GABRG1: variants seen among roughly 807,000 people sequenced by gnomAD.
GABRG1 encodes the protein gamma-aminobutyric acid type A receptor subunit gamma1.
In GABRG1, 49 loss-of-function variants were observed where a neutral mutation model predicts 49.8. That is an observed-to-expected ratio of 0.98 (90% CI 0.78 to 1.25). The LOEUF (loss-of-function observed/expected upper bound fraction) is 1.25. GABRG1 is among the 50% of genes most tolerant of loss of function. The pLI is 0.00. For missense variants in GABRG1, 552 were observed against 552.3 expected, an observed-to-expected ratio of 1.00 and a Z score of 0.01; for synonymous variants, 232 against 185.1, an observed-to-expected ratio of 1.25 and a Z score of -2.06.
intron 2 of GABRG1, 134 bp downstream of exon 2, chr4:46,097,067 C>T (rs1720187691): frequency 2.6e-6 from 2 of 774,940 alleles, no homozygotes; most frequent in Admixed American, 3.6e-5. Context: ...ACCATTCTAA[C>T]CAATAATCTT....
chr4:46,097,194 A>G lies in GABRG1; in HGVS notation c.253+7T>C. ...ATCAAAATCCCAGAATGGTAACTCA[A>G]GCTTACCTCCTATATCTGGACGAAG... On this transcript the variant is annotated splice_region_variant and intron_variant, in intron 2 of 8. Coordinates refer to ENST00000295452, the MANE Select transcript of GABRG1 (RefSeq NM_173536.4). 3.1e-6 allele frequency: 5 copies of G among 1,597,134 alleles called. No individual in the cohort carries two copies. Among genetic ancestry groups the G allele is most frequent in the Non-Finnish European group, 4.3e-6 (5 of 1,172,514 alleles).
Position 46,058,638 on chromosome 4 carries a change from A to G in GABRG1, c.626-16T>C. The G allele has an allele frequency of 6.2e-7, 1 of 1,602,128 alleles. No homozygotes were observed. Among genetic ancestry groups the G allele is most frequent in the Non-Finnish European group, 8.5e-7 (1 of 1,172,336 alleles). On this transcript the variant is annotated splice_polypyrimidine_tract_variant and intron_variant, in intron 5 of 8. Transcript: ENST00000295452. Reference sequence around the variant, plus strand: ...GGGTATCCATCTATAGAGAAAAAATACATAGATTAGCAAGATCCAAATTTG... The same window carrying G: ...GGGTATCCATCTATAGAGAAAAAATGCATAGATTAGCAAGATCCAAATTTG...
At chr4:46,095,167 G>T in intron 2 of GABRG1, among the ~76,000 whole-genome samples, 1 of 151,686 alleles carries the variant, frequency 6.6e-6, no homozygotes, top group East Asian at 1.9e-4. Flanking sequence ...ACTAAAAACA[G>T]TTTAATAATA....
rs1717740804 is a variant in GABRG1 at position 46,040,799 on chromosome 4, G to A, written c.*189C>T. 1 of 506,474 alleles carries A rather than the reference G, an allele frequency of 2.0e-6. No homozygotes were observed. The highest frequency in any genetic ancestry group is 2.0e-5 in the African/African-American group (1 of 50,872). The allele number at this position is 506,474 out of a possible 1,614,324, so 31.4% of individuals were successfully genotyped here. A position where few individuals can be genotyped will look rare whatever the true frequency, so the allele number is the denominator to read the frequency against. ...ACCTACTGGATTTTGCAACTAATCAGTTTCACGTAAATTAGCCTGAAAGCT... is the reference window on the plus strand; with the variant it reads ...ACCTACTGGATTTTGCAACTAATCAATTTCACGTAAATTAGCCTGAAAGCT... On this transcript the variant is annotated 3_prime_UTR_variant, in exon 9 of 9. Coordinates refer to ENST00000295452, the MANE Select transcript of GABRG1 (RefSeq NM_173536.4).
chr4:46,050,007 A>C (rs2109396509), intron 8 of GABRG1, among the ~76,000 whole-genome samples: 1 of 152,110 alleles, frequency 6.6e-6, no homozygotes, highest in Middle Eastern at 3.4e-3. Flanking sequence ...TAAAACTTTC[A>C]AGGCAATAAT....
chr4:46,085,125 C>T (rs1011268106), intron 2 of GABRG1, among the ~76,000 whole-genome samples: 4 of 151,084 alleles, frequency 2.6e-5, no homozygotes, highest in African/African-American at 7.3e-5. Flanking sequence ...CAGCAAACGC[C>T]GAGTGCCTAC....
intron 3 of GABRG1, among the ~76,000 whole-genome samples, chr4:46,075,464 A>G (rs896371453): frequency 2.6e-5 from 4 of 152,008 alleles, no homozygotes; most frequent in African/African-American, 9.7e-5. Context: ...CTGAAGTGCT[A>G]GGAATACAGG....
Position 46,058,570 on chromosome 4 carries a change from T to G in GABRG1, c.678A>C (p.Glu226Asp). Residue 226 changes from glutamate (E) to aspartate (D), a missense_variant, in exon 6 of 9, where the codon GAA (glutamate) becomes GAC (aspartate). Glu to Asp is a conservative substitution (Grantham distance 45, BLOSUM62 2). Transcript: ENST00000295452. The part of the protein sequence containing the change: ...IEYKWKKPSV[E>D]VADPKYWRLY... ...ATCTCCAGTATTTAGGATCAGCCAC[T>G]TCTACGGAGGGCTTTTTCCACTTAT... 6.2e-7 allele frequency: 1 copy of G among 1,612,968 alleles called. No homozygotes were observed. Among genetic ancestry groups the G allele is most frequent in the Non-Finnish European group, 8.5e-7 (1 of 1,179,290 alleles).
intron 3 of GABRG1, among the ~76,000 whole-genome samples, chr4:46,082,884 C>A (rs1719626824): frequency 6.6e-6 from 1 of 151,734 alleles, no homozygotes; most frequent in Non-Finnish European, 1.5e-5. Flanking sequence ...GATCTGTGAT[C>A]TTCTTAATCT....
chr4:46,115,611 T>C (rs537489426), intron 1 of GABRG1, among the ~76,000 whole-genome samples: 8 of 150,910 alleles, frequency 5.3e-5, no homozygotes, highest in Non-Finnish European at 1.0e-4. Flanking sequence ...ATGATTTTAT[T>C]TGAGATGTGA....
intron 1 of GABRG1, among the ~76,000 whole-genome samples, chr4:46,117,806 A>G (rs1233149328): frequency 2.3e-5 from 3 of 130,574 alleles, no homozygotes; most frequent in Non-Finnish European, 4.7e-5. Context: ...ATACATATGT[A>G]TACATGTGTA....
intron 1 of GABRG1, among the ~76,000 whole-genome samples, chr4:46,123,258 A>G (rs1197890510): frequency 6.6e-6 from 1 of 151,972 alleles, no homozygotes; most frequent in Non-Finnish European, 1.5e-5. Context: ...TTTTACTTGG[A>G]TACTATACAT....
At chr4:46,059,651 G>A (rs1718596642) in intron 5 of GABRG1, among the ~76,000 whole-genome samples, 1 of 151,958 alleles carries the variant, frequency 6.6e-6, no homozygotes, top group Non-Finnish European at 1.5e-5. Context: ...GACCTCAGGT[G>A]ATCTGCTCCC....
intron 2 of GABRG1, among the ~76,000 whole-genome samples, chr4:46,089,203 C>A (rs920498636): frequency 2.0e-5 from 3 of 151,912 alleles, no homozygotes; most frequent in Non-Finnish European, 4.4e-5. Context: ...TACAGAAGAG[C>A]ATCCAGATTT....
At chr4:46,111,254 A>G (rs1443960873) in intron 1 of GABRG1, among the ~76,000 whole-genome samples, 1 of 150,860 alleles carries the variant, frequency 6.6e-6, no homozygotes, top group African/African-American at 2.4e-5. Flanking sequence ...TACAATAGCC[A>G]CAAAAATAAT....
At chr4:46,041,758 G>A (rs975679124) in intron 8 of GABRG1, among the ~76,000 whole-genome samples, 8 of 152,014 alleles carry the variant, frequency 5.3e-5, no homozygotes, top group African/African-American at 1.9e-4. Context: ...CCATATTTGG[G>A]AAAGAGGATG....
intron 2 of GABRG1, among the ~76,000 whole-genome samples, chr4:46,089,838 T>C (rs1048318740): frequency 4.6e-5 from 7 of 151,918 alleles, no homozygotes; most frequent in African/African-American, 1.7e-4. Flanking sequence ...TGTGGCACGC[T>C]TGTAGTACCA....
At chr4:46,120,101 C>T (rs1577675173) in intron 1 of GABRG1, among the ~76,000 whole-genome samples, 1 of 151,750 alleles carries the variant, frequency 6.6e-6, no homozygotes, top group Non-Finnish European at 1.5e-5. Flanking sequence ...GAAATCACTC[C>T]AGTGAGAAAT....
At chr4:46,113,131 C>A (rs1033773754) in intron 1 of GABRG1, among the ~76,000 whole-genome samples, 1 of 151,028 alleles carries the variant, frequency 6.6e-6, no homozygotes, top group African/African-American at 2.4e-5. Flanking sequence ...AAATTCCACA[C>A]CTCCTTGCCC....
Sources: allele counts gnomAD v4.1 joint callset (sites outside exome capture counted in the v4.1 genomes callset), GRCh38; gene constraint gnomAD v4.1.1; transcripts MANE v1.5; gene names NCBI Gene and HGNC (gene_info 2026-07-23, HGNC 2026-07-21).